PCYT1A: variants seen among roughly 807,000 people sequenced by gnomAD.
PCYT1A encodes choline-phosphate cytidylyltransferase A.
Under a neutral mutation model 43.7 loss-of-function variants are expected in PCYT1A, and 25 were observed. That is an observed-to-expected ratio of 0.57 (90% confidence interval 0.42 to 0.80). The LOEUF (loss-of-function observed/expected upper bound fraction) is 0.80, where lower values mean the gene tolerates loss of function less well. PCYT1A is among the 30% of genes least tolerant of loss of function. The pLI is 0.00. For synonymous variants in PCYT1A, 172 were observed against 170.7 expected (o/e 1.01, Z -0.06); for missense variants, 421 against 474.2 (o/e 0.89, Z 1.04).
At chr3:196,270,192 T>C (rs1394625785) in intron 2 of PCYT1A, among the ~76,000 whole-genome samples, 1 of 152,222 alleles carries the variant, frequency 6.6e-6, no homozygotes, top group Non-Finnish European at 1.5e-5. Context: ...CTAATACACA[T>C]GCAACTTCCA....
intron 5 of PCYT1A, among the ~76,000 whole-genome samples, chr3:196,243,814 A>T (rs559733731): frequency 6.6e-6 from 1 of 152,280 alleles, no homozygotes; most frequent in African/African-American, 2.4e-5. Context: ...GGGATTGCAG[A>T]CGGAGTCTCG....
intron 2 of PCYT1A, chr3:196,267,245 C>T: frequency 2.3e-6 from 1 of 439,262 alleles, no homozygotes; most frequent in Non-Finnish European, 4.6e-6. Flanking sequence ...TCAAAACAAG[C>T]TCAGTGAAAG....
Position 196,250,507 on chromosome 3 carries a change from G to A in PCYT1A, c.218-2184C>T, listed in dbSNP as rs1039739124. On this transcript the variant is annotated intron_variant, in intron 3 of 8. Coordinates refer to ENST00000431016, the MANE Select transcript of PCYT1A (RefSeq NM_001312673.2). ...TGAGGCTGAGGACCAGATACACTAT[G>A]CTGAGGACCAGATACACTATGCTGA... The A allele has an allele frequency of 8.9e-5, 13 of 146,586 alleles. 1 individual carries two copies. Among genetic ancestry groups the A allele is most frequent in the Admixed American group, 6.7e-4 (9 of 13,398 alleles). 9.1% of individuals were successfully genotyped at this position (146,586 alleles called of 1,614,324 possible).
chr3:196,241,335 A>G (rs1724346672), intron 7 of PCYT1A: 1 of 154,536 alleles, frequency 6.5e-6, no homozygotes, highest in African/African-American at 2.4e-5. Context: ...TATTTGCATG[A>G]ATTTTTTTAG....
intron 3 of PCYT1A, among the ~76,000 whole-genome samples, chr3:196,255,009 G>C (rs1724910865): frequency 6.6e-6 from 1 of 152,028 alleles, no homozygotes. Context: ...TCTCTAAGTA[G>C]AGAATCTTCT....
At chr3:196,244,179 G>A (rs1304104014) in intron 5 of PCYT1A, among the ~76,000 whole-genome samples, 4 of 147,606 alleles carry the variant, frequency 2.7e-5, no homozygotes, top group South Asian at 2.2e-4. Context: ...GTCTCTGCCC[G>A]ACCGCCACCC....
At position 196,238,516 on chromosome 3, in the gene PCYT1A, C is replaced by T. The variant is rs1211827793; in HGVS notation, c.*172G>A. On this transcript the variant is annotated 3_prime_UTR_variant, in exon 9 of 9. Coordinates refer to ENST00000431016, the MANE Select transcript of PCYT1A (RefSeq NM_001312673.2). ...CCTCCTTCGTGTGGGTGAGTGATGT[C>T]ACTTGCAGGACAGGCTGTTTGGGTT... The T allele has an allele frequency of 2.2e-6, 1 of 459,636 alleles. No individual in the cohort carries two copies. Among genetic ancestry groups the T allele is most frequent in the Admixed American group, 4.2e-5 (1 of 23,598 alleles). The allele number at this position is 459,636 out of a possible 1,614,324, so 28.5% of individuals were successfully genotyped here. A position where few individuals can be genotyped will look rare whatever the true frequency, so the allele number is the denominator to read the frequency against.
At chr3:196,275,488 C>A (rs184512927) in intron 1 of PCYT1A, among the ~76,000 whole-genome samples, 1 of 151,986 alleles carries the variant, frequency 6.6e-6, no homozygotes, top group Admixed American at 6.5e-5. Context: ...GTAATCTCAG[C>A]CTTTGGGAGG....
At chr3:196,260,048 A>G (rs1337180537) in intron 2 of PCYT1A, among the ~76,000 whole-genome samples, 2 of 146,724 alleles carry the variant, frequency 1.4e-5, no homozygotes, top group South Asian at 4.3e-4. Context: ...TCAGCCTCCC[A>G]ACTAGCTGGG....
chr3:196,261,560 C>T (rs960291798), intron 2 of PCYT1A, among the ~76,000 whole-genome samples: 3 of 152,060 alleles, frequency 2.0e-5, no homozygotes, highest in Admixed American at 1.3e-4. Flanking sequence ...GAGGCCGAGG[C>T]GGGTAGACCA....
At chr3:196,257,060 G>T (rs1297880439) in intron 3 of PCYT1A, among the ~76,000 whole-genome samples, 6 of 151,956 alleles carry the variant, frequency 3.9e-5, no homozygotes, top group Admixed American at 3.9e-4. Context: ...AAAAGGATTG[G>T]AAAAAAAGGG....
At chr3:196,272,738 A>G (rs1725469994) in intron 1 of PCYT1A, among the ~76,000 whole-genome samples, 1 of 152,216 alleles carries the variant, frequency 6.6e-6, no homozygotes, top group Non-Finnish European at 1.5e-5. Flanking sequence ...CCCCAAAGGA[A>G]CTTATTTATT....
At chr3:196,259,667 A>C (rs541208880) in intron 2 of PCYT1A, among the ~76,000 whole-genome samples, 122 of 151,648 alleles carry the variant, frequency 8.0e-4, no homozygotes, top group African/African-American at 2.8e-3. Context: ...AACATGACGA[A>C]ACCCTGTCTC....
At chr3:196,284,467 C>A (rs1254425249) in intron 1 of PCYT1A, among the ~76,000 whole-genome samples, 1 of 152,166 alleles carries the variant, frequency 6.6e-6, no homozygotes, top group Non-Finnish European at 1.5e-5. Flanking sequence ...AGAAGAGTTA[C>A]CTCTGGCCAT....
intron 2 of PCYT1A, among the ~76,000 whole-genome samples, chr3:196,267,750 A>G (rs1725318987): frequency 6.6e-6 from 1 of 152,162 alleles, no homozygotes; most frequent in African/African-American, 2.4e-5. Context: ...AAAATTGGTC[A>G]TGGTGATGGT....
intron 5 of PCYT1A, among the ~76,000 whole-genome samples, chr3:196,244,151 G>T (rs183740999): frequency 7.0e-6 from 1 of 142,988 alleles, no homozygotes; most frequent in Admixed American, 7.2e-5. Flanking sequence ...CCACGACCCC[G>T]TCTGGGAACT....
Position 196,248,224 on chromosome 3 carries a change from G to T in PCYT1A, c.317C>A (p.Thr106Lys). ...LMQAKNLFPN[T>K]YLIVGVCSDE... ...TTTCTTACCTCCCACAATGAGGTAC[G>T]TATTAGGGAAAAGGTTCTTCGCTTG... Residue 106 changes from threonine to lysine, a missense_variant, in exon 4 of 9, where the codon ACG becomes AAG. By Grantham distance (78) the Thr-to-Lys change is moderately conservative. Around this residue, in one of 3 missense-constraint regions of PCYT1A, gnomAD observed 174 missense variants for 270.7 expected, o/e 0.64. Coordinates refer to ENST00000431016, the MANE Select transcript of PCYT1A (RefSeq NM_001312673.2). The T allele has an allele frequency of 6.3e-7, 1 of 1,597,826 alleles. No homozygotes were observed. The highest frequency in any genetic ancestry group is 8.6e-7 in the Non-Finnish European group (1 of 1,165,078).
chr3:196,250,605 C>T (rs987055315), intron 3 of PCYT1A: 3 of 163,962 alleles, frequency 1.8e-5, no homozygotes, highest in Admixed American at 6.6e-5. Context: ...ATCAGATACA[C>T]TATGCTGAGG....
intron 3 of PCYT1A, 73 bp downstream of exon 3, chr3:196,257,715 G>T: frequency 1.1e-6 from 1 of 931,882 alleles, no homozygotes; most frequent in Non-Finnish European, 1.8e-6. Flanking sequence ...TAGAGAGCAG[G>T]TGTGTATTTG....
Sources: gnomAD v4.1 joint callset for allele counts (sites outside exome capture counted in the v4.1 genomes callset) on GRCh38, gnomAD v4.1.1 for gene constraint, gnomAD v4.1.1 regional missense constraint, MANE v1.5 for transcripts, NCBI Gene and HGNC (gene_info 2026-07-23, HGNC 2026-07-21) for gene names.